The following SGO1 variants were observed in gnomAD, a reference collection of about 807,000 sequenced individuals.
The protein encoded by SGO1 is shugoshin 1.
Under a neutral mutation model 50.5 loss-of-function variants are expected in SGO1, and 39 were observed. The ratio of observed to expected loss-of-function variants is 0.77; its 90% CI spans 0.60 to 1.01. The LOEUF is 1.01. Ranked by LOEUF, SGO1 falls within the 50% of genes least tolerant of loss-of-function variation. The pLI is 0.00. For missense variants in SGO1, 638 were observed against 606.0 expected (o/e 1.05, Z -0.55); for synonymous variants, 191 against 205.1 (o/e 0.93, Z 0.59).
rs566585310 is a variant in SGO1 at position 20,163,941 on chromosome 3, C to T, written c.1565-2715G>A. Among the ~76,000 whole-genome samples the T allele has an allele frequency of 1.3e-4, 20 of 152,168 alleles. No individual in the cohort carries two copies. In the East Asian group the frequency reaches 3.7e-3, roughly 28 times the overall value. On this transcript the variant is annotated intron_variant, in intron 8 of 8. Coordinates refer to the SGO1 transcript ENST00000263753. ...TCTACATCAACTTTAAAAATGAATT[C>T]GTAATTTAAAACGTTTCTAAAAACA...
chr3:20,171,412 C>T (rs970408579), intron 6 of SGO1, 180 bp from the exon 7 acceptor site: 27 of 443,028 alleles, frequency 6.1e-5, no homozygotes, highest in Admixed American at 1.3e-4. Flanking sequence ...GATCTCAGCT[C>T]ACTGCAACCT....
At chr3:20,167,056 A>G (rs1309074641), downstream of SGO1, among the ~76,000 whole-genome samples, 1 of 151,902 alleles carries the variant, frequency 6.6e-6, no homozygotes, top group Non-Finnish European at 1.5e-5. Flanking sequence ...TATATTTACC[A>G]CCCCTACCAA....
intron 6 of SGO1, among the ~76,000 whole-genome samples, chr3:20,172,027 A>G (rs1325693843): frequency 6.6e-6 from 1 of 152,252 alleles, no homozygotes; most frequent in Non-Finnish European, 1.5e-5. Flanking sequence ...TAAGAGCCAT[A>G]TGCTCCAGTG....
chr3:20,176,525 AAATTT>A lies in SGO1; in HGVS notation c.475+71_475+75del, dbSNP rs1476509762. 4 of 889,232 alleles carry A rather than the reference AAATTT, an allele frequency of 4.5e-6. No individual in the cohort carries two copies. In the East Asian group the frequency reaches 8.3e-5, roughly 19 times the overall value. The allele number at this position is 889,232 out of a possible 1,614,324, so 55.1% of individuals were successfully genotyped here. ...AAAAGTTAAAAAAAAAGAATTAGATAAATTTAATTGTATTATTTGTTCTCAAAGAC... is the reference window on the plus strand; with the variant it reads ...AAAAGTTAAAAAAAAAGAATTAGATAAATTGTATTATTTGTTCTCAAAGAC... On this transcript the variant is annotated intron_variant, in intron 5 of 7. Transcript: ENST00000412997.
At chr3:20,180,015 G>A (rs1701828261) in intron 3 of SGO1, among the ~76,000 whole-genome samples, 1 of 152,166 alleles carries the variant, frequency 6.6e-6, no homozygotes, top group African/African-American at 2.4e-5. Flanking sequence ...AGTGGCTGCA[G>A]GCCAGGCGTG....
chr3:20,167,390 CA>C (rs1700359220), downstream of SGO1, among the ~76,000 whole-genome samples: 1 of 151,800 alleles, frequency 6.6e-6, no homozygotes, highest in South Asian at 2.1e-4. Context: ...GAATTATAAG[CA>C]AGGTATAAAA....
chr3:20,174,985 A>T lies in SGO1; in HGVS notation c.546T>A (p.Asp182Glu), dbSNP rs764342534. The change falls in exon 6 of 8, where the codon GAT (aspartate) becomes GAA (glutamate). Residue 182 changes from aspartate to glutamate, a missense_variant. By Grantham distance (45) the Asp-to-Glu change is conservative (BLOSUM62 2). Transcript: ENST00000412997. ...DFDSGEAKST[D>E]NVLPRTVSVR... ...CAGATACAGTTCTAGGTAAGACATT[A>T]TCAGTAGACTTAGCTTCACCTGAAT... is the stretch of plus-strand genomic sequence containing the variant. 4.4e-6 allele frequency: 7 copies of T among 1,608,244 alleles called. No individual in the cohort carries two copies. The highest frequency in any genetic ancestry group is 1.7e-4 in the Middle Eastern group (1 of 6,036).
At chr3:20,175,230 C>T (rs1701250361) in intron 5 of SGO1, among the ~76,000 whole-genome samples, 175 bp from the exon 6 acceptor site, 1 of 152,178 alleles carries the variant, frequency 6.6e-6, no homozygotes, top group African/African-American at 2.4e-5. Flanking sequence ...CATCTATTTA[C>T]TTGTCAGTGA....
downstream of SGO1, chr3:20,169,367 C>G (rs1700492824): frequency 2.0e-6 from 2 of 983,898 alleles, no homozygotes; most frequent in Non-Finnish European, 2.4e-6. Flanking sequence ...TAGAACACCC[C>G]CCCCTCAAAA....
intron 3 of SGO1, among the ~76,000 whole-genome samples, chr3:20,181,718 TC>T (rs1470901334): frequency 6.6e-6 from 1 of 152,102 alleles, no homozygotes; most frequent in East Asian, 1.9e-4. Flanking sequence ...AGGAACTGTT[TC>T]CCCCTACTAG....
At chr3:20,183,535 T>A (rs548860133) in intron 3 of SGO1, 73 bp downstream of exon 3, 1 of 1,213,484 alleles carries the variant, frequency 8.2e-7, no homozygotes, top group Admixed American at 2.5e-5. Context: ...TTCATTTAAA[T>A]AACATAATTG....
intron 1 of SGO1, among the ~76,000 whole-genome samples, chr3:20,184,623 C>A (rs947694481): frequency 6.6e-6 from 1 of 152,166 alleles, no homozygotes; most frequent in Non-Finnish European, 1.5e-5. Context: ...GCACTACATA[C>A]AATTTTAATA....
rs531519466 is a variant in SGO1 at position 20,180,685 on chromosome 3, C to CT, written c.340-2339dup. Among the ~76,000 whole-genome samples the CT allele has an allele frequency of 6.6e-5, 10 of 152,252 alleles. No homozygotes were observed. The South Asian group carries it at 1.9e-3, about 28-fold the overall frequency. On this transcript the variant is annotated intron_variant, in intron 3 of 7. Coordinates refer to ENST00000412997, the MANE Select transcript of SGO1 (RefSeq NM_001199251.3). The stretch of plus-strand genomic sequence containing the variant: ...AGTATAGAGGTGGATTTGCAGATCT[C>CT]TGTTATGAAGATGACAATTCTCACT...
At chr3:20,161,141 C>T in exon 9 of SGO1, 1 of 1,613,762 alleles carries the variant, frequency 6.2e-7, no homozygotes, top group Non-Finnish European at 8.5e-7. Context: ...GTTTACATTT[C>T]CTACAGTCTG....
downstream of SGO1, chr3:20,169,366 C>A (rs1315023101): frequency 1.0e-5 from 10 of 984,586 alleles, no homozygotes; most frequent in Non-Finnish European, 1.2e-5. Context: ...CTAGAACACC[C>A]CCCCCTCAAA....
At chr3:20,185,112 A>G (rs1315357233) in intron 1 of SGO1, among the ~76,000 whole-genome samples, 1 of 152,238 alleles carries the variant, frequency 6.6e-6, no homozygotes, top group Non-Finnish European at 1.5e-5. Context: ...TGTAGATACC[A>G]CTTAAGAACT....
chr3:20,166,685 C>G (rs1426281413), downstream of SGO1, among the ~76,000 whole-genome samples: 1 of 151,724 alleles, frequency 6.6e-6, no homozygotes, highest in Admixed American at 6.6e-5. Flanking sequence ...TGTGAATGTA[C>G]TTAATGCTAC....
rs550006063 is a variant in SGO1, at chr3:20,170,460, A to G, written c.*244T>C. On this transcript the variant is annotated 3_prime_UTR_variant, in exon 8 of 8. Transcript: ENST00000412997. Reference sequence around the variant, plus strand: ...GAGGTTTAGGCAGCATAAGAAATCGATATGATGATAATGCTTAAGCTCAGT... The same window carrying G: ...GAGGTTTAGGCAGCATAAGAAATCGGTATGATGATAATGCTTAAGCTCAGT... 1,425 of 1,068,310 alleles carry G rather than the reference A, an allele frequency of 1.3e-3. 5 individuals are homozygous for G. Among genetic ancestry groups the G allele is most frequent in the Non-Finnish European group, 1.4e-3 (1,231 of 884,948 alleles). 66.2% of individuals were successfully genotyped at this position (1,068,310 alleles called of 1,614,324 possible).
At position 20,174,483 on chromosome 3, in the gene SGO1, G is replaced by C; in HGVS notation, c.1048C>G (p.Gln350Glu). 6.2e-7 allele frequency: 1 copy of C among 1,614,056 alleles called. No individual in the cohort carries two copies. ...EEGVHLTPFR[Q>E]KVSNDSNREE... ...CTATTAGAGTCATTGCTCACTTTTT[G>C]TCGGAAAGGAGTAAGATGAACACCC... is the stretch of plus-strand genomic sequence containing the variant. The change falls in exon 6 of 8, where the codon CAA becomes GAA. Residue 350 changes from glutamine (Q) to glutamate (E), a missense_variant. Transcript: ENST00000412997.
Sources: allele counts gnomAD v4.1 joint callset (sites outside exome capture counted in the v4.1 genomes callset), GRCh38; gene constraint gnomAD v4.1.1; transcripts MANE v1.5; gene names NCBI Gene and HGNC (gene_info 2026-07-23, HGNC 2026-07-21).